COL22A1: variants seen among roughly 807,000 people sequenced by gnomAD.
COL22A1 encodes collagen alpha-1(XXII) chain.
In COL22A1, 221 loss-of-function variants were observed where a neutral mutation model predicts 248.9. The observed-to-expected ratio is 0.89, with a 90% CI of 0.80 to 0.99. The LOEUF (loss-of-function observed/expected upper bound fraction) is 0.99, where lower values mean the gene tolerates loss of function less well. Ranked by LOEUF, COL22A1 falls within the 50% of genes least tolerant of loss-of-function variation. The probability of loss-of-function intolerance (pLI) is 0.00; values close to 1 mark genes in which losing one functional copy is unlikely to be tolerated. For missense variants in COL22A1, 2,240 were observed against 2,179.0 expected, an observed-to-expected ratio of 1.03 and a Z score of -0.56; for synonymous variants, 891 against 793.4, an observed-to-expected ratio of 1.12 and a Z score of -2.07.
chr8:138,779,778 T>C (rs934609792), intron 13 of COL22A1, among the ~76,000 whole-genome samples: 10 of 152,230 alleles, frequency 6.6e-5, no homozygotes, highest in African/African-American at 2.4e-4. Context: ...TTTTTTTCTT[T>C]AGAAACAGGG....
At chr8:138,894,325 G>A (rs1228366723) in intron 1 of COL22A1, among the ~76,000 whole-genome samples, 1 of 152,154 alleles carries the variant, frequency 6.6e-6, no homozygotes, top group African/African-American at 2.4e-5. Flanking sequence ...GAGTTCTAGT[G>A]CAACAATTCA....
chr8:138,613,960 C>G (rs1382697377), intron 55 of COL22A1, 40 bp from the exon 56 acceptor site: 1 of 1,524,422 alleles, frequency 6.6e-7, no homozygotes, highest in Admixed American at 1.7e-5. Context: ...CATCAAGTCA[C>G]TGTGTGAAGG....
intron 45 of COL22A1, among the ~76,000 whole-genome samples, chr8:138,654,965 G>A (rs868734733): frequency 1.3e-5 from 2 of 152,292 alleles, no homozygotes; most frequent in Middle Eastern, 3.4e-3. Flanking sequence ...TCTGGTCCTG[G>A]CCCAGCAGGA....
intron 6 of COL22A1, among the ~76,000 whole-genome samples, chr8:138,823,774 T>A (rs947687746): frequency 4.6e-5 from 7 of 152,244 alleles, no homozygotes; most frequent in Non-Finnish European, 4.4e-5. Flanking sequence ...TTTGTTCACC[T>A]TTTTTGTCTT....
chr8:138,885,153 T>C (rs1265573039), intron 1 of COL22A1, among the ~76,000 whole-genome samples: 6 of 152,154 alleles, frequency 3.9e-5, no homozygotes, highest in Non-Finnish European at 8.8e-5. Flanking sequence ...CCTCCAGTCC[T>C]AGGAATTATT....
rs267601789 is a variant in COL22A1, at chr8:138,596,969, C to T, written c.4367G>A (p.Gly1456Glu). The change falls in exon 62 of 65, where the codon GGG (glycine) becomes GAG (glutamate). Residue 1456 changes from glycine to glutamate, a missense_variant and splice_region_variant. By Grantham distance (98) the Gly-to-Glu change is moderately conservative. Coordinates refer to ENST00000303045, the MANE Select transcript of COL22A1 (RefSeq NM_152888.3). ...CAGGGTTTCCATGGATGGAGACTCCCCCTAGGAGGGAGGGAAGGTGGAGTC... is the reference window on the plus strand; with the variant it reads ...CAGGGTTTCCATGGATGGAGACTCCTCCTAGGAGGGAGGGAAGGTGGAGTC... Reference protein sequence around the residue: ...PGQPGFPGLRGESPSMETLRR... With the variant: ...PGQPGFPGLREESPSMETLRR... 6.2e-7 allele frequency: 1 copy of T among 1,613,436 alleles called. No individual in the cohort carries two copies. The highest frequency in any genetic ancestry group is 8.5e-7 in the Non-Finnish European group (1 of 1,179,552).
At position 138,593,547 on chromosome 8, in the gene COL22A1, T is replaced by C. The variant is rs558003415; in HGVS notation, c.4615+470A>G. ...CCACTGTGTGATGAGTTAAATCATATGGCCTCCGCCCTTTGAAGGAGAGAC... is the reference window on the plus strand; with the variant it reads ...CCACTGTGTGATGAGTTAAATCATACGGCCTCCGCCCTTTGAAGGAGAGAC... On this transcript the variant is annotated intron_variant, in intron 63 of 64. Coordinates refer to ENST00000303045, the MANE Select transcript of COL22A1 (RefSeq NM_152888.3). Among the ~76,000 whole-genome samples the C allele has an allele frequency of 1.3e-4, 20 of 152,330 alleles. No individual in the cohort carries two copies. In the South Asian group the frequency reaches 3.3e-3, roughly 25 times the overall value.
At chr8:138,648,480 C>T (rs1007762038) in intron 46 of COL22A1, among the ~76,000 whole-genome samples, 2 of 152,196 alleles carry the variant, frequency 1.3e-5, no homozygotes, top group South Asian at 4.1e-4. Flanking sequence ...GAGAATCTCA[C>T]CTAAGACTTT....
intron 1 of COL22A1, among the ~76,000 whole-genome samples, chr8:138,911,028 G>A (rs960824064): frequency 7.2e-5 from 11 of 152,188 alleles, no homozygotes; most frequent in African/African-American, 1.9e-4. Context: ...GGTAATTGCA[G>A]TATCTCAAGC....
chr8:138,871,738 C>T (rs985739512), intron 3 of COL22A1, among the ~76,000 whole-genome samples: 1 of 152,198 alleles, frequency 6.6e-6, no homozygotes, highest in African/African-American at 2.4e-5. Flanking sequence ...AAAGCATCCG[C>T]TGTTGTGAGA....
chr8:138,674,185 T>C (rs1013159592), intron 41 of COL22A1, among the ~76,000 whole-genome samples: 2 of 152,118 alleles, frequency 1.3e-5, no homozygotes, highest in African/African-American at 4.8e-5. Flanking sequence ...AACCAACGGA[T>C]AAAACCAACT....
intron 3 of COL22A1, among the ~76,000 whole-genome samples, chr8:138,872,137 T>C (rs1296784718): frequency 6.6e-6 from 1 of 152,012 alleles, no homozygotes; most frequent in African/African-American, 2.4e-5. Context: ...AGGTGAACAA[T>C]AAAATGGGAA....
At chr8:138,824,366 C>A (rs1473447618) in intron 6 of COL22A1, among the ~76,000 whole-genome samples, 1 of 152,182 alleles carries the variant, frequency 6.6e-6, no homozygotes, top group African/African-American at 2.4e-5. Flanking sequence ...ATCAGCAAAT[C>A]CTACTGGTTC....
intron 62 of COL22A1, 132 bp downstream of exon 62, chr8:138,596,772 C>A: frequency 1.3e-6 from 1 of 777,808 alleles, no homozygotes; most frequent in South Asian, 1.6e-5. Flanking sequence ...ATTCCCCAAC[C>A]CTGATAGTCT....
chr8:138,710,726 G>C, intron 30 of COL22A1, among the ~76,000 whole-genome samples: 1 of 152,038 alleles, frequency 6.6e-6, no homozygotes, highest in East Asian at 1.9e-4. Context: ...CAGAATGCAT[G>C]CCCTTTACAA....
chr8:138,776,012 TG>T lies in COL22A1; in HGVS notation c.1759-3del. On this transcript the variant is annotated splice_region_variant and splice_polypyrimidine_tract_variant and intron_variant, in intron 15 of 64. Coordinates refer to ENST00000303045, the MANE Select transcript of COL22A1 (RefSeq NM_152888.3). Reference sequence around the variant, plus strand: ...TTCACCTCGTTCTCCTTGGAGACCCTGGGGGACAAAGAAAGAGCAGTGACCC... The same window carrying T: ...TTCACCTCGTTCTCCTTGGAGACCCTGGGGACAAAGAAAGAGCAGTGACCC... 6.2e-7 allele frequency: 1 copy of T among 1,614,056 alleles called. No homozygotes were observed. The highest frequency in any genetic ancestry group is 8.5e-7 in the Non-Finnish European group (1 of 1,179,894).
intron 38 of COL22A1, among the ~76,000 whole-genome samples, 200 bp downstream of exon 38, chr8:138,685,008 C>A (rs1826230841): frequency 6.6e-6 from 1 of 152,222 alleles, no homozygotes; most frequent in Non-Finnish European, 1.5e-5. Context: ...TCTCTGTATC[C>A]CCAGCACTGG....
intron 1 of COL22A1, among the ~76,000 whole-genome samples, chr8:138,896,122 C>G (rs750392626): frequency 6.6e-6 from 1 of 152,044 alleles, no homozygotes; most frequent in African/African-American, 2.4e-5. Flanking sequence ...CACTCACAGG[C>G]TTACCTTTGA....
chr8:138,682,381 C>G (rs892091079), intron 39 of COL22A1, among the ~76,000 whole-genome samples: 1 of 152,194 alleles, frequency 6.6e-6, no homozygotes, highest in East Asian at 1.9e-4. Context: ...TTTTCATAGA[C>G]ATATGCAAGT....
Sources: gnomAD v4.1 joint callset for allele counts (sites outside exome capture counted in the v4.1 genomes callset) on GRCh38, gnomAD v4.1.1 for gene constraint, MANE v1.5 for transcripts, NCBI Gene and HGNC (gene_info 2026-07-23, HGNC 2026-07-21) for gene names.